ABHD18: variants seen among roughly 807,000 people sequenced by gnomAD.
ABHD18 encodes the protein abhydrolase domain containing 18, also known as cardiolipin-specific deacylase, mitochondrial.
Under a neutral mutation model 65.9 loss-of-function variants are expected in ABHD18, and 55 were observed. The observed-to-expected ratio is 0.84, with a 90% confidence interval of 0.67 to 1.05. The LOEUF (loss-of-function observed/expected upper bound fraction) is 1.05, where lower values mean the gene tolerates loss of function less well. Among genes scored for constraint, ABHD18 ranks in the 50% least tolerant of loss-of-function variants. ABHD18 has a pLI of 0.00. For missense variants in ABHD18, 533 were observed against 558.5 expected, an observed-to-expected ratio of 0.95 and a Z score of 0.46; for synonymous variants, 181 against 180.2, an observed-to-expected ratio of 1.00 and a Z score of -0.04.
intron 4 of ABHD18, among the ~76,000 whole-genome samples, chr4:127,998,286 T>TTTC (rs1752083302): frequency 6.7e-6 from 1 of 148,272 alleles, no homozygotes; most frequent in African/African-American, 2.5e-5. Context: ...CGTTTCTTTT[T>TTTC]TTTTTTTTTT....
chr4:128,017,561 C>T lies in ABHD18; in HGVS notation c.609+60C>T, dbSNP rs996289536. 5.6e-6 allele frequency: 8 copies of T among 1,433,626 alleles called. No individual in the cohort carries two copies. In the African/African-American group the frequency reaches 1.2e-4, roughly 21 times the overall value. 88.8% of individuals were successfully genotyped at this position (1,433,626 alleles called of 1,614,324 possible). A position where few individuals can be genotyped will look rare whatever the true frequency, so the allele number is the denominator to read the frequency against. ...GTTTATGTTTGTAAGATCTAGAGAA[C>T]CTGGTTATTTTAAAAATTCACTTTA... On this transcript the variant is annotated intron_variant, in intron 8 of 12. Coordinates refer to ENST00000645843, the MANE Select transcript of ABHD18 (RefSeq NM_001358451.3).
chr4:128,032,995 T>C (rs1429483753), intron 12 of ABHD18, among the ~76,000 whole-genome samples: 1 of 152,208 alleles, frequency 6.6e-6, no homozygotes, highest in African/African-American at 2.4e-5. Flanking sequence ...GGCTCACGCC[T>C]GTAATCCCAG....
At chr4:127,969,387 GA>G (rs1250513759) in intron 1 of ABHD18, among the ~76,000 whole-genome samples, 1 of 151,784 alleles carries the variant, frequency 6.6e-6, no homozygotes, top group African/African-American at 2.4e-5. Flanking sequence ...TTTTAATAGA[GA>G]CGGGGTTTCT....
At chr4:128,004,066 A>G (rs1317758673) in intron 4 of ABHD18, among the ~76,000 whole-genome samples, 1 of 151,882 alleles carries the variant, frequency 6.6e-6, no homozygotes, top group Non-Finnish European at 1.5e-5. Context: ...TAATTTTTTT[A>G]AATTATTCTT....
chr4:128,028,703 C>T lies in ABHD18; in HGVS notation c.1030C>T (p.Leu344Phe). ...TAAGATGAAGCGCTTCAATCAAACA[C>T]TTTCAACCAACAAAAGTGGTTATAC... ...TSKMKRFNQTLSTNKSGYTSR... is the reference protein window; with the variant it reads ...TSKMKRFNQTFSTNKSGYTSR... The change falls in exon 11 of 13, where the codon CTT becomes TTT. Residue 344 changes from leucine to phenylalanine, a missense_variant. Physicochemically the swap from Leu to Phe is conservative, Grantham distance 22. Coordinates refer to ENST00000645843, the MANE Select transcript of ABHD18 (RefSeq NM_001358451.3). 1.2e-6 allele frequency: 2 copies of T among 1,613,926 alleles called. No individual in the cohort carries two copies. Among genetic ancestry groups the T allele is most frequent in the Non-Finnish European group, 1.7e-6 (2 of 1,179,874 alleles).
At chr4:128,025,920 G>T (rs1226092905) in intron 10 of ABHD18, among the ~76,000 whole-genome samples, 2 of 152,200 alleles carry the variant, frequency 1.3e-5, no homozygotes, top group Admixed American at 1.3e-4. Context: ...CACTTTGGGA[G>T]GCCGAGGTGG....
intron 4 of ABHD18, among the ~76,000 whole-genome samples, chr4:128,004,313 G>A (rs1169234720): frequency 6.6e-6 from 1 of 151,786 alleles, no homozygotes; most frequent in Non-Finnish European, 1.5e-5. Flanking sequence ...TTAGCCAGGT[G>A]TGGTGGCACA....
intron 4 of ABHD18, among the ~76,000 whole-genome samples, chr4:128,002,941 A>C (rs2149116084): frequency 6.6e-6 from 1 of 151,480 alleles, no homozygotes; most frequent in Admixed American, 6.6e-5. Flanking sequence ...CCACCACCAC[A>C]CCCGGCCATA....
rs780634500 is a variant in ABHD18 at position 128,028,699 on chromosome 4, A to C, written c.1026A>C (p.Gln342His). The change falls in exon 11 of 13, where the codon CAA becomes CAC. Residue 342 changes from glutamine (Q) to histidine (H), a missense_variant. By Grantham distance (24) the Gln-to-His change is conservative. Coordinates refer to ENST00000645843, the MANE Select transcript of ABHD18 (RefSeq NM_001358451.3). ...CCTCTAAGATGAAGCGCTTCAATCA[A>C]ACACTTTCAACCAACAAAAGTGGTT... Reference protein sequence around the residue: ...QDTSKMKRFNQTLSTNKSGYT... With the variant: ...QDTSKMKRFNHTLSTNKSGYT... 1 of 1,613,946 alleles carries C rather than the reference A, an allele frequency of 6.2e-7. No homozygotes were observed. The highest frequency in any genetic ancestry group is 1.7e-5 in the Admixed American group (1 of 60,020).
rs1758119459 is a variant in ABHD18 at position 128,030,933 on chromosome 4, G to A, written c.1343+261G>A. 4.4e-6 allele frequency: 5 copies of A among 1,135,052 alleles called. No individual in the cohort carries two copies. In the Admixed American group the frequency reaches 2.0e-4, roughly 45 times the overall value. 70.3% of individuals were successfully genotyped at this position (1,135,052 alleles called of 1,614,324 possible). A position where few individuals can be genotyped will look rare whatever the true frequency, so the allele number is the denominator to read the frequency against. Reference sequence around the variant, plus strand: ...GCTTTCCCCTCTTCAAATATTAATGGCCAGGTATTTTAGGATGTGAGAAGG... The same window carrying A: ...GCTTTCCCCTCTTCAAATATTAATGACCAGGTATTTTAGGATGTGAGAAGG... On this transcript the variant is annotated intron_variant, in intron 12 of 12. Transcript: ENST00000645843.
intron 4 of ABHD18, among the ~76,000 whole-genome samples, chr4:127,996,679 A>C (rs1313735501): frequency 1.3e-5 from 2 of 152,182 alleles, no homozygotes; most frequent in African/African-American, 4.8e-5. Context: ...GTACTGCAGG[A>C]CACCAGGGCA....
chr4:127,986,803 C>T (rs1214822555), intron 3 of ABHD18, among the ~76,000 whole-genome samples: 9 of 152,148 alleles, frequency 5.9e-5, no homozygotes, highest in Admixed American at 1.3e-4. Context: ...TGAGGCTGAA[C>T]ATCTTTTCAA....
At chr4:127,990,318 T>C (rs987955873) in intron 4 of ABHD18, among the ~76,000 whole-genome samples, 2 of 152,192 alleles carry the variant, frequency 1.3e-5, no homozygotes, top group African/African-American at 4.8e-5. Flanking sequence ...ATTCCAGTAC[T>C]TTGGGAGGCC....
intron 10 of ABHD18, among the ~76,000 whole-genome samples, chr4:128,026,228 C>T (rs1415336366): frequency 6.6e-6 from 1 of 152,042 alleles, no homozygotes; most frequent in Non-Finnish European, 1.5e-5. Flanking sequence ...GCAGAGGTTG[C>T]AGTGAGCCAA....
chr4:127,978,263 A>G (rs920960510), intron 1 of ABHD18, among the ~76,000 whole-genome samples: 15 of 152,156 alleles, frequency 9.9e-5, no homozygotes, highest in African/African-American at 3.4e-4. Context: ...ATAGATTTCT[A>G]GATTTTAAAA....
intron 4 of ABHD18, among the ~76,000 whole-genome samples, chr4:128,000,577 C>G (rs547387346): frequency 6.6e-6 from 1 of 152,188 alleles, no homozygotes; most frequent in African/African-American, 2.4e-5. Context: ...ATGCTTCCAG[C>G]TTTGCTTTTT....
chr4:128,001,852 T>C, intron 4 of ABHD18: 1 of 1,340,478 alleles, frequency 7.5e-7, no homozygotes, highest in Non-Finnish European at 9.8e-7. Context: ...TTTTGTTTTT[T>C]TTTTTAATTC....
chr4:128,011,440 G>A (rs13135526), intron 6 of ABHD18, among the ~76,000 whole-genome samples: 97,885 of 150,542 alleles, frequency 0.65, 31,984 homozygotes, highest in Middle Eastern at 0.82. Context: ...GAGCCACCGC[G>A]CCCGGCCTAT....
intron 10 of ABHD18, among the ~76,000 whole-genome samples, chr4:128,025,192 C>A (rs1228253515): frequency 6.6e-6 from 1 of 152,074 alleles, no homozygotes; most frequent in African/African-American, 2.4e-5. Context: ...AAAATATGAA[C>A]TTTTTTTATC....
Sources: allele counts gnomAD v4.1 joint callset (sites outside exome capture counted in the v4.1 genomes callset), GRCh38; gene constraint gnomAD v4.1.1; transcripts MANE v1.5; gene names NCBI Gene and HGNC (gene_info 2026-07-23, HGNC 2026-07-21).